Variants in SYNE1 observed in about 807,000 individuals in gnomAD.
The protein encoded by SYNE1 is nesprin-1.
SYNE1 carries 616 observed loss-of-function variants against 1,111.0 expected under a neutral mutation model. The observed-to-expected ratio is 0.55, with a 90% CI of 0.52 to 0.59. The LOEUF (loss-of-function observed/expected upper bound fraction) is 0.59, where lower values mean the gene tolerates loss of function less well. Among genes scored for constraint, SYNE1 ranks in the 20% least tolerant of loss-of-function variants. The pLI is 0.00. For synonymous variants in SYNE1, 3,855 were observed against 3,825.8 expected (o/e 1.01, Z -0.28); for missense variants, 10,006 against 10,417.0 (o/e 0.96, Z 1.72).
intron 39 of SYNE1, among the ~76,000 whole-genome samples, chr6:152,420,676 C>T (rs965406022): frequency 6.6e-6 from 1 of 152,124 alleles, no homozygotes; most frequent in Non-Finnish European, 1.5e-5. Context: ...TTTGCTAACC[C>T]AACATTAAGC....
chr6:152,221,139 G>C (rs900843552), intron 118 of SYNE1, 93 bp from the exon 119 acceptor site: 3 of 1,298,026 alleles, frequency 2.3e-6, no homozygotes, highest in Non-Finnish European at 3.3e-6. Context: ...TGGTTCATGT[G>C]AATATAGACA....
chr6:152,292,037 C>T (rs534126006), intron 95 of SYNE1, among the ~76,000 whole-genome samples: 2 of 152,120 alleles, frequency 1.3e-5, no homozygotes, highest in East Asian at 1.9e-4. Flanking sequence ...CAGACAGAAC[C>T]GCAGGAGCAA....
chr6:152,465,193 G>A (rs1208669232), intron 18 of SYNE1, 65 bp downstream of exon 18: 35 of 1,530,408 alleles, frequency 2.3e-5, no homozygotes, highest in Middle Eastern at 1.7e-4. Flanking sequence ...AGTGAGCTAC[G>A]CTGTAAAAGT....
intron 3 of SYNE1, among the ~76,000 whole-genome samples, chr6:152,620,494 T>A (rs951567259): frequency 6.6e-6 from 1 of 152,144 alleles, no homozygotes; most frequent in Non-Finnish European, 1.5e-5. Flanking sequence ...ATGTAACATA[T>A]CCAAAATAAG....
At chr6:152,363,728 G>A (rs1591145951) in intron 63 of SYNE1, 1 of 454,818 alleles carries the variant, frequency 2.2e-6, no homozygotes, top group East Asian at 7.0e-5. Flanking sequence ...TCTAGCCCCT[G>A]ATGTACTCTC....
intron 14 of SYNE1, among the ~76,000 whole-genome samples, chr6:152,474,239 G>A (rs1434470380): frequency 6.6e-6 from 1 of 152,020 alleles, no homozygotes; most frequent in Non-Finnish European, 1.5e-5. Flanking sequence ...CCTCTGAAAG[G>A]CCATCTCACT....
intron 93 of SYNE1, 53 bp from the exon 94 acceptor site, chr6:152,294,180 A>G (rs2094748741): frequency 6.3e-7 from 1 of 1,590,144 alleles, no homozygotes. Context: ...AGTCTAGATT[A>G]ATATGCTCTG....
At chr6:152,609,984 T>A (rs904449950) in intron 3 of SYNE1, among the ~76,000 whole-genome samples, 10 of 152,122 alleles carry the variant, frequency 6.6e-5, no homozygotes, top group African/African-American at 2.4e-4. Flanking sequence ...CAAAATCCCA[T>A]CTGTAGGTCA....
At chr6:152,189,203 T>G in intron 128 of SYNE1, 49 bp downstream of exon 128, 1 of 1,604,958 alleles carries the variant, frequency 6.2e-7, no homozygotes, top group Non-Finnish European at 8.5e-7. Context: ...CAAATTCATC[T>G]CCCAATTTTC....
rs116381423 is a variant in SYNE1, at chr6:152,314,299, T to C, written c.16710+2550A>G. On this transcript the variant is annotated intron_variant, in intron 87 of 145. Transcript: ENST00000367255. ...TTTCTTATCTCTCTATTCTTATCTC[T>C]TATCCCTTGTACCAGCACCAGAAAA... Among the ~76,000 whole-genome samples, 379 of 152,328 alleles carry C rather than the reference T, an allele frequency of 2.5e-3. 1 individual carries two copies. The highest frequency in any genetic ancestry group is 8.5e-3 in the African/African-American group (355 of 41,582).
chr6:152,152,505 A>G (rs1181371886), intron 133 of SYNE1, among the ~76,000 whole-genome samples: 2 of 152,216 alleles, frequency 1.3e-5, no homozygotes, highest in African/African-American at 4.8e-5. Flanking sequence ...ACTATAAAAA[A>G]TATACACGTG....
In SYNE1 at chr6:152,329,750, C is replaced by T. The variant is rs1259311067; in HGVS notation, c.14935G>A (p.Glu4979Lys). ...CCCACCTGTCTGGTGCGTAAGGCTTCCTGGATGTCTCCATCCAGCTCTGAG... is the reference window on the plus strand; with the variant it reads ...CCCACCTGTCTGGTGCGTAAGGCTTTCTGGATGTCTCCATCCAGCTCTGAG... ...ELSELDGDIQEALRTRQATLT... is the reference protein window; with the variant it reads ...ELSELDGDIQKALRTRQATLT... The change falls in exon 78 of 146, where the codon GAA (glutamate) becomes AAA (lysine). Residue 4979 changes from glutamate to lysine, a missense_variant. Coordinates refer to ENST00000367255, the MANE Select transcript of SYNE1 (RefSeq NM_182961.4). The T allele has an allele frequency of 6.2e-7, 1 of 1,614,186 alleles. No individual in the cohort carries two copies. The highest frequency in any genetic ancestry group is 1.3e-5 in the African/African-American group (1 of 75,040).
chr6:152,314,083 ATCT>A (rs944113509), intron 87 of SYNE1, among the ~76,000 whole-genome samples: 2 of 152,174 alleles, frequency 1.3e-5, no homozygotes, highest in Non-Finnish European at 2.9e-5. Context: ...AGGCCTTGTC[ATCT>A]TCTACTGAAA....
At chr6:152,389,174 G>A (rs1400010492) in intron 53 of SYNE1, among the ~76,000 whole-genome samples, 26 of 152,128 alleles carry the variant, frequency 1.7e-4, no homozygotes, top group Admixed American at 1.7e-3. Flanking sequence ...GTTTTGCTTT[G>A]TAATGAACTT....
chr6:152,134,954 C>T, intron 142 of SYNE1, 150 bp downstream of exon 142: 1 of 964,308 alleles, frequency 1.0e-6, no homozygotes, highest in Non-Finnish European at 1.6e-6. Context: ...AGATTGGAAA[C>T]CACAGGGAGT....
Position 152,230,655 on chromosome 6 carries a change from AT to A in SYNE1, c.21086del (p.Asn7029IlefsTer6). On this transcript the variant is annotated frameshift_variant, in exon 115 of 146. Transcript: ENST00000367255. LOFTEE classifies it high-confidence loss of function. ...GLLESWSEYENNVQCLKTWFE... is the reference protein window; with the variant it reads ...GLLESWSEYEXNVQCLKTWFE... ...ACCATGTTTTCAGACATTGTACATT[AT>A]TTTCATATTCTGACCAAGATTCCAA... 6.2e-7 allele frequency: 1 copy of A among 1,614,038 alleles called. No individual in the cohort carries two copies. Among genetic ancestry groups the A allele is most frequent in the Non-Finnish European group, 8.5e-7 (1 of 1,179,986 alleles).
intron 29 of SYNE1, among the ~76,000 whole-genome samples, chr6:152,446,168 G>A (rs1434162268): frequency 2.8e-5 from 4 of 144,194 alleles, no homozygotes; most frequent in South Asian, 2.2e-4. Context: ...TGTGAATAAC[G>A]ACAAGTATTT....
rs141586001 is a variant in SYNE1 at position 152,148,298 on chromosome 6, G to T, written c.24723C>A (p.His8241Gln). 6 of 1,613,780 alleles carry T rather than the reference G, an allele frequency of 3.7e-6. No individual in the cohort carries two copies. The African/African-American group carries it at 8.0e-5, about 22-fold the overall frequency. The change falls in exon 137 of 146, where the codon CAC becomes CAA. Residue 8241 changes from histidine to glutamine, a missense_variant. Physicochemically the swap from His to Gln is conservative, Grantham distance 24. Coordinates refer to ENST00000367255, the MANE Select transcript of SYNE1 (RefSeq NM_182961.4). The surrounding 1 kb of genome is among the most constrained non-coding windows in gnomAD (Gnocchi z 4.1). ...DSAALSDLHW[H>Q]DRSADSLLSP... Reference sequence around the variant, plus strand: ...AAAGCAGGCTGTCTGCAGAGCGGTCGTGCCAGTGCAGGTCCGACAGAGCTG... The same window carrying T: ...AAAGCAGGCTGTCTGCAGAGCGGTCTTGCCAGTGCAGGTCCGACAGAGCTG...
intron 40 of SYNE1, among the ~76,000 whole-genome samples, chr6:152,418,782 A>G (rs1160076790): frequency 3.9e-5 from 6 of 152,182 alleles, no homozygotes; most frequent in Admixed American, 2.6e-4. Flanking sequence ...AAGGTCTGAC[A>G]TCTCACTTGG....
Sources: allele counts gnomAD v4.1 joint callset (sites outside exome capture counted in the v4.1 genomes callset), GRCh38; gene constraint gnomAD v4.1.1; non-coding constraint Gnocchi (gnomAD v3.1); transcripts MANE v1.5; gene names NCBI Gene and HGNC (gene_info 2026-07-23, HGNC 2026-07-21).